The following KIF26B variants were observed in gnomAD, a reference collection of about 807,000 sequenced individuals.
KIF26B encodes the protein kinesin family member 26B.
In KIF26B, 63 loss-of-function variants were observed where a neutral mutation model predicts 151.2. The ratio of observed to expected loss-of-function variants is 0.42; its 90% CI spans 0.34 to 0.51. KIF26B has a LOEUF of 0.51. Ranked by LOEUF, KIF26B falls within the 20% of genes least tolerant of loss-of-function variation. The probability of loss-of-function intolerance (pLI) is 0.07; values close to 1 mark genes in which losing one functional copy is unlikely to be tolerated. For missense variants in KIF26B, 2,813 were observed against 2,913.6 expected (o/e 0.97, Z 0.79); for synonymous variants, 1,357 against 1,262.1 (o/e 1.08, Z -1.59).
intron 2 of KIF26B, among the ~76,000 whole-genome samples, chr1:245,192,298 A>T (rs1669123282): frequency 6.6e-6 from 1 of 152,052 alleles, no homozygotes; most frequent in South Asian, 2.1e-4. Flanking sequence ...AGCAGGATAT[A>T]ACCTCAAATG....
chr1:245,255,847 C>A (rs1227282951), intron 2 of KIF26B, among the ~76,000 whole-genome samples: 1 of 152,032 alleles, frequency 6.6e-6, no homozygotes, highest in Non-Finnish European at 1.5e-5. Context: ...TATTTTTTTG[C>A]CCAGAGAGTA....
At chr1:245,522,000 G>T (rs140122246) in intron 4 of KIF26B, among the ~76,000 whole-genome samples, 4,558 of 151,638 alleles carry the variant, frequency 0.03, 244 homozygotes, top group African/African-American at 0.11. Flanking sequence ...CTCCCAAGTA[G>T]CTGGGACTAC....
At chr1:245,537,154 C>T (rs982784250) in intron 4 of KIF26B, among the ~76,000 whole-genome samples, 5 of 152,060 alleles carry the variant, frequency 3.3e-5, no homozygotes, top group African/African-American at 7.2e-5. Context: ...AACATTTGAG[C>T]GAAGATTTAA....
intron 3 of KIF26B, among the ~76,000 whole-genome samples, chr1:245,381,796 A>G (rs536985724): frequency 1.3e-5 from 2 of 152,036 alleles, no homozygotes; most frequent in South Asian, 2.1e-4. Context: ...TGACTGCTCT[A>G]TGTACCTCAT....
At chr1:245,221,656 C>G (rs988572213) in intron 2 of KIF26B, among the ~76,000 whole-genome samples, 2 of 152,190 alleles carry the variant, frequency 1.3e-5, no homozygotes, top group East Asian at 3.9e-4. Flanking sequence ...GTCAGCTTGC[C>G]TCGGCCTCCC....
intron 2 of KIF26B, among the ~76,000 whole-genome samples, chr1:245,279,607 A>G (rs940589413): frequency 2.6e-5 from 4 of 151,918 alleles, no homozygotes; most frequent in African/African-American, 9.7e-5. Context: ...CCGTGCCCAG[A>G]CTACATTTAC....
At chr1:245,599,014 G>A (rs773254704) in intron 5 of KIF26B, among the ~76,000 whole-genome samples, 25 of 152,248 alleles carry the variant, frequency 1.6e-4, no homozygotes, top group South Asian at 6.2e-4. Context: ...GGAGAAGGCC[G>A]TGCCTGTTAA....
intron 2 of KIF26B, among the ~76,000 whole-genome samples, chr1:245,228,426 C>A (rs1669921472): frequency 6.6e-6 from 1 of 152,026 alleles, no homozygotes; most frequent in Admixed American, 6.5e-5. Context: ...GTTAGCTGGG[C>A]CTGGAGGCGC....
chr1:245,246,977 A>G (rs1221632304), intron 2 of KIF26B, among the ~76,000 whole-genome samples: 1 of 151,940 alleles, frequency 6.6e-6, no homozygotes, highest in Non-Finnish European at 1.5e-5. Flanking sequence ...ACAGACACAC[A>G]CACACACAAA....
chr1:245,466,854 G>A (rs1093926), intron 4 of KIF26B, among the ~76,000 whole-genome samples: 124,040 of 152,148 alleles, frequency 0.82, 50,809 homozygotes, highest in African/African-American at 0.88. Context: ...TGAACCCAGG[G>A]GACAGAGGTT....
chr1:245,232,930 G>A lies in KIF26B; in HGVS notation c.465+76247G>A, dbSNP rs1382123671. 2.6e-5 allele frequency among the ~76,000 whole-genome samples: 4 copies of A among 152,290 alleles called. No individual in the cohort carries two copies. In the East Asian group the frequency reaches 5.8e-4, roughly 22 times the overall value. Reference sequence around the variant, plus strand: ...GTTCTCTTTTTCACTGAGCCCCAGTGAAGCCTCAGAATTCTACTCAACGTA... The same window carrying A: ...GTTCTCTTTTTCACTGAGCCCCAGTAAAGCCTCAGAATTCTACTCAACGTA... On this transcript the variant is annotated intron_variant, in intron 2 of 14. Coordinates refer to ENST00000407071, the MANE Select transcript of KIF26B (RefSeq NM_018012.4).
chr1:245,185,441 A>AGGG (rs1236188946), intron 2 of KIF26B, among the ~76,000 whole-genome samples: 4 of 152,166 alleles, frequency 2.6e-5, no homozygotes, highest in Non-Finnish European at 5.9e-5. Flanking sequence ...CAAGGAAGGG[A>AGGG]GGGGGGTCTG....
intron 3 of KIF26B, among the ~76,000 whole-genome samples, chr1:245,380,784 A>G (rs1184869777): frequency 6.6e-6 from 1 of 152,014 alleles, no homozygotes; most frequent in Non-Finnish European, 1.5e-5. Flanking sequence ...CACACTCCTG[A>G]CGTGATTTCT....
At chr1:245,246,121 G>A (rs1031471104) in intron 2 of KIF26B, among the ~76,000 whole-genome samples, 11 of 146,606 alleles carry the variant, frequency 7.5e-5, no homozygotes, top group African/African-American at 2.7e-4. Flanking sequence ...AAAAAGAAAG[G>A]TTTGCAGAGT....
intron 4 of KIF26B, among the ~76,000 whole-genome samples, chr1:245,523,947 AC>A (rs775806260): frequency 1.4e-4 from 22 of 152,240 alleles, no homozygotes; most frequent in Non-Finnish European, 2.9e-4. Flanking sequence ...ACTAATAAAT[AC>A]AGAATAGTCA....
At chr1:245,262,498 G>A (rs1012353709) in intron 2 of KIF26B, among the ~76,000 whole-genome samples, 11 of 151,596 alleles carry the variant, frequency 7.3e-5, no homozygotes, top group Admixed American at 7.2e-4. Flanking sequence ...TTGTTGCTCT[G>A]GCTGGAGTGC....
At chr1:245,519,432 T>G (rs1661038579) in intron 4 of KIF26B, among the ~76,000 whole-genome samples, 1 of 152,084 alleles carries the variant, frequency 6.6e-6, no homozygotes, top group African/African-American at 2.4e-5. Context: ...TGGGTGCCTG[T>G]AATTCCAGCT....
intron 5 of KIF26B, among the ~76,000 whole-genome samples, chr1:245,584,204 C>T (rs990007557): frequency 2.6e-5 from 4 of 152,118 alleles, no homozygotes; most frequent in South Asian, 2.1e-4. Flanking sequence ...ATTCTCATCA[C>T]GTGATGTGCC....
At chr1:245,578,939 A>C (rs1432953722) in intron 5 of KIF26B, among the ~76,000 whole-genome samples, 12 of 152,242 alleles carry the variant, frequency 7.9e-5, no homozygotes, top group Non-Finnish European at 1.5e-5. Context: ...TTGGAAAAAC[A>C]GGCTCTAAGA....
Sources: gnomAD v4.1 joint callset for allele counts (sites outside exome capture counted in the v4.1 genomes callset) on GRCh38, gnomAD v4.1.1 for gene constraint, MANE v1.5 for transcripts, NCBI Gene and HGNC (gene_info 2026-07-23, HGNC 2026-07-21) for gene names.